Variants in USP1 observed in about 807,000 individuals in gnomAD.
USP1 encodes the protein ubiquitin specific peptidase 1, also known as ubiquitin carboxyl-terminal hydrolase 1.
USP1 carries 18 observed loss-of-function variants against 72.2 expected under a neutral mutation model. The observed-to-expected ratio is 0.25, with a 90% CI of 0.17 to 0.37. USP1 has a LOEUF of 0.37. Among genes scored for constraint, USP1 ranks in the 10% least tolerant of loss-of-function variants. USP1 has a pLI of 1.00. For missense variants in USP1, 759 were observed against 884.9 expected, an observed-to-expected ratio of 0.86 and a Z score of 1.81; for synonymous variants, 354 against 303.7, an observed-to-expected ratio of 1.17 and a Z score of -1.72.
intron 4 of USP1, 64 bp from the exon 5 acceptor site, chr1:62,443,095 A>G: frequency 1.3e-6 from 2 of 1,528,294 alleles, no homozygotes; most frequent in Non-Finnish European, 1.8e-6. Flanking sequence ...TGAGACAAAG[A>G]CAAAGGGGGA....
At chr1:62,450,043 A>G (rs1645203012) in intron 8 of USP1, among the ~76,000 whole-genome samples, 1 of 152,288 alleles carries the variant, frequency 6.6e-6, no homozygotes, top group Non-Finnish European at 1.5e-5. Flanking sequence ...ATGCCTGAAT[A>G]TTAGCAGTTA....
At chr1:62,449,398 G>T (rs1195653972) in intron 8 of USP1, among the ~76,000 whole-genome samples, 12 of 152,056 alleles carry the variant, frequency 7.9e-5, no homozygotes, top group South Asian at 2.1e-4. Context: ...TGGATAGTCT[G>T]TTTTTTTCTG....
rs933146939 is a variant in USP1 at position 62,443,047 on chromosome 1, G to C, written c.397-112G>C. 3.6e-6 allele frequency: 4 copies of C among 1,114,746 alleles called. No individual in the cohort carries two copies. In the African/African-American group the frequency reaches 6.4e-5, roughly 18 times the overall value. The allele number at this position is 1,114,746 out of a possible 1,614,324, so 69.1% of individuals were successfully genotyped here. ...CTTATTTGTACATCCCTTAAAATTA[G>C]TGCTATTATGCAACTTAGAAAATCT... On this transcript the variant is annotated intron_variant, in intron 4 of 8. Coordinates refer to ENST00000339950, the MANE Select transcript of USP1 (RefSeq NM_003368.5).
intron 6 of USP1, among the ~76,000 whole-genome samples, chr1:62,445,989 CAAAT>C (rs1179179200): frequency 2.0e-5 from 3 of 151,364 alleles, no homozygotes; most frequent in East Asian, 2.1e-4. Flanking sequence ...CAAAAAAAAA[CAAAT>C]AATAATAAAG....
rs1044359377 is a variant in USP1, at chr1:62,437,151, G to T, written c.-319G>T. 2 of 398,974 alleles carry T rather than the reference G, an allele frequency of 5.0e-6. No individual in the cohort carries two copies. Among genetic ancestry groups the T allele is most frequent in the African/African-American group, 4.1e-5 (2 of 48,652 alleles). The allele number at this position is 398,974 out of a possible 1,614,324, so 24.7% of individuals were successfully genotyped here. On this transcript the variant is annotated 5_prime_UTR_variant, in exon 1 of 9. Transcript: ENST00000339950. ...GCTTGTTGCGCTCCTGGCTCTCCCGGGGCGGGCGCAGATGGGCGCCGCTCC... is the reference window on the plus strand; with the variant it reads ...GCTTGTTGCGCTCCTGGCTCTCCCGTGGCGGGCGCAGATGGGCGCCGCTCC...
rs71643631 is a variant in USP1 at position 62,450,498 on chromosome 1, A to C, written c.1875A>C (p.Glu625Asp). Residue 625 changes from glutamate to aspartate, a missense_variant, in exon 9 of 9, where the codon GAA becomes GAC. Coordinates refer to ENST00000339950, the MANE Select transcript of USP1 (RefSeq NM_003368.5). ...AAATGTGTGAAATAGGTAAGCCAGA[A>C]CCATTGAATGAGGAGGAAGCAAGGG... The part of the protein sequence containing the change: ...VDQMCEIGKP[E>D]PLNEEEARGV... The C allele has an allele frequency of 6.2e-7, 1 of 1,614,156 alleles. No individual in the cohort carries two copies. Among genetic ancestry groups the C allele is most frequent in the Non-Finnish European group, 8.5e-7 (1 of 1,180,022 alleles).
intron 8 of USP1, among the ~76,000 whole-genome samples, chr1:62,449,470 C>T (rs866031325): frequency 2.2e-4 from 33 of 152,060 alleles, no homozygotes; most frequent in African/African-American, 8.0e-4. Context: ...TTGAAATTAC[C>T]ACGAGGGCTT....
At chr1:62,442,131 G>A in intron 3 of USP1, 64 bp from the exon 4 acceptor site, 1 of 1,113,284 alleles carries the variant, frequency 9.0e-7, no homozygotes, top group Admixed American at 2.3e-5. Flanking sequence ...GCATGATGTT[G>A]TTTTAATGAT....
At chr1:62,446,360 A>G (rs1263645848) in intron 6 of USP1, among the ~76,000 whole-genome samples, 1 of 152,226 alleles carries the variant, frequency 6.6e-6, no homozygotes, top group African/African-American at 2.4e-5. Context: ...AAAAAAATCA[A>G]AAAAGTCTCA....
intron 6 of USP1, among the ~76,000 whole-genome samples, chr1:62,445,781 G>C (rs1645167809): frequency 1.3e-5 from 2 of 152,076 alleles, no homozygotes; most frequent in African/African-American, 4.8e-5. Context: ...GAGTTCAAGA[G>C]CAGCCTGGTC....
chr1:62,445,484 G>C, intron 6 of USP1, 55 bp downstream of exon 6: 1 of 1,420,364 alleles, frequency 7.0e-7, no homozygotes, highest in South Asian at 1.6e-5. Flanking sequence ...TACAGAATTA[G>C]AATTTTCTCT....
intron 8 of USP1, among the ~76,000 whole-genome samples, chr1:62,448,901 A>G (rs902744797): frequency 1.3e-5 from 2 of 150,920 alleles, no homozygotes; most frequent in African/African-American, 2.4e-5. Context: ...TTTTTTTTTG[A>G]AACAGGGTCT....
At chr1:62,437,445 C>A in intron 1 of USP1, 45 bp downstream of exon 1, 1 of 339,658 alleles carries the variant, frequency 2.9e-6, no homozygotes, top group Non-Finnish European at 5.3e-6. Context: ...GGCGCGGGGG[C>A]AAGTTCGGCC....
At chr1:62,436,889 G>C (rs1645091295), upstream of USP1, 2 of 384,902 alleles carry the variant, frequency 5.2e-6, no homozygotes, top group Admixed American at 9.0e-5. Context: ...AGCTGGCTCC[G>C]GAGCCCGTGC....
chr1:62,443,097 A>C, intron 4 of USP1, 62 bp from the exon 5 acceptor site: 1 of 1,533,248 alleles, frequency 6.5e-7, no homozygotes, highest in South Asian at 1.3e-5. Flanking sequence ...AGACAAAGAC[A>C]AAGGGGGAAG....
At chr1:62,448,149 T>C (rs1242698850) in intron 7 of USP1, among the ~76,000 whole-genome samples, 1 of 152,186 alleles carries the variant, frequency 6.6e-6, no homozygotes, top group African/African-American at 2.4e-5. Flanking sequence ...CCACAAAATA[T>C]GGAAATACCA....
intron 6 of USP1, among the ~76,000 whole-genome samples, chr1:62,446,211 T>G (rs1268515560): frequency 6.6e-6 from 1 of 152,168 alleles, no homozygotes; most frequent in Non-Finnish European, 1.5e-5. Flanking sequence ...CACAACTAGA[T>G]GCTAGAGCGT....
intron 4 of USP1, 63 bp downstream of exon 4, chr1:62,442,362 T>A (rs1328379251): frequency 8.0e-7 from 1 of 1,242,890 alleles, no homozygotes; most frequent in Admixed American, 2.4e-5. Flanking sequence ...GAAATTTACT[T>A]GCCTGGAAAT....
Position 62,437,275 on chromosome 1 carries a change from G to C in USP1, c.-195G>C. 2.5e-6 allele frequency: 1 copy of C among 397,724 alleles called. No homozygotes were observed. Among genetic ancestry groups the C allele is most frequent in the Non-Finnish European group, 4.4e-6 (1 of 225,882 alleles). The allele number at this position is 397,724 out of a possible 1,614,324, so 24.6% of individuals were successfully genotyped here. ...CACTCCCCCGCGGGGAGGGCGAGCCGACCAGATTTTCCTGGGGCCGGGGAC... is the reference window on the plus strand; with the variant it reads ...CACTCCCCCGCGGGGAGGGCGAGCCCACCAGATTTTCCTGGGGCCGGGGAC... On this transcript the variant is annotated 5_prime_UTR_variant, in exon 1 of 9. Transcript: ENST00000339950.
Sources: gnomAD v4.1 joint callset for allele counts (sites outside exome capture counted in the v4.1 genomes callset) on GRCh38, gnomAD v4.1.1 for gene constraint, MANE v1.5 for transcripts, NCBI Gene and HGNC (gene_info 2026-07-23, HGNC 2026-07-21) for gene names.